Variants in WWP1 observed in about 807,000 individuals in gnomAD.
WWP1 encodes the protein WW domain containing E3 ubiquitin protein ligase 1, also known as NEDD4-like E3 ubiquitin-protein ligase WWP1.
Under a neutral mutation model 130.6 loss-of-function variants are expected in WWP1, and 49 were observed. The ratio of observed to expected loss-of-function variants is 0.38; its 90% CI spans 0.30 to 0.48. The LOEUF is 0.48. Among genes scored for constraint, WWP1 ranks in the 20% least tolerant of loss-of-function variants. The probability of loss-of-function intolerance (pLI) is 0.99; values close to 1 mark genes in which losing one functional copy is unlikely to be tolerated. For synonymous variants in WWP1, 332 were observed against 367.8 expected, an observed-to-expected ratio of 0.90 and a Z score of 1.11; for missense variants, 809 against 1,100.6, an observed-to-expected ratio of 0.74 and a Z score of 3.75.
Position 86,342,804 on chromosome 8 carries a change from T to C in WWP1, c.-241T>C. ...TGGGCTGCCGGGGCCGACGCCTGGG[T>C]GGCTGCTGCCGCCGCGCCTGCTGCG... On this transcript the variant is annotated 5_prime_UTR_variant, in exon 1 of 25. Transcript: ENST00000517970. The C allele has an allele frequency of 2.8e-6, 1 of 357,668 alleles. No individual in the cohort carries two copies. The highest frequency in any genetic ancestry group is 4.1e-5 in the East Asian group (1 of 24,606). 22.2% of individuals were successfully genotyped at this position (357,668 alleles called of 1,614,324 possible).
chr8:86,449,410 T>C (rs1398942053), intron 20 of WWP1, among the ~76,000 whole-genome samples: 1 of 152,260 alleles, frequency 6.6e-6, no homozygotes. Flanking sequence ...CAAAGGTAGC[T>C]ATAGACAGTG....
intron 20 of WWP1, 86 bp from the exon 21 acceptor site, chr8:86,452,473 G>A (rs1415900301): frequency 8.5e-7 from 1 of 1,172,868 alleles, no homozygotes; most frequent in African/African-American, 1.6e-5. Flanking sequence ...TAGAAAAAGA[G>A]AAAGAACTAT....
At chr8:86,462,131 A>C (rs1186933181) in intron 24 of WWP1, among the ~76,000 whole-genome samples, 1 of 152,168 alleles carries the variant, frequency 6.6e-6, no homozygotes, top group African/African-American at 2.4e-5. Context: ...TTTGTGCCCC[A>C]TGGTGGGGCA....
At chr8:86,445,593 A>G (rs193250608) in intron 18 of WWP1, among the ~76,000 whole-genome samples, 2 of 152,236 alleles carry the variant, frequency 1.3e-5, no homozygotes, top group Admixed American at 6.5e-5. Context: ...GGTCTTTCCT[A>G]TTGTGAGTAG....
chr8:86,358,108 C>G (rs897760045), intron 1 of WWP1, among the ~76,000 whole-genome samples: 1 of 152,160 alleles, frequency 6.6e-6, no homozygotes, highest in Non-Finnish European at 1.5e-5. Context: ...AAGCTTCTCT[C>G]TTATATTCTT....
At chr8:86,398,943 C>T (rs991396972) in intron 7 of WWP1, among the ~76,000 whole-genome samples, 4 of 152,108 alleles carry the variant, frequency 2.6e-5, no homozygotes, top group East Asian at 1.9e-4. Flanking sequence ...TGAAGAGAAA[C>T]CATGTATATA....
intron 2 of WWP1, among the ~76,000 whole-genome samples, chr8:86,371,988 G>A (rs767044765): frequency 2.8e-5 from 4 of 144,644 alleles, no homozygotes; most frequent in South Asian, 2.2e-4. Flanking sequence ...GACTGCAGGC[G>A]CCCACCACCA....
intron 22 of WWP1, among the ~76,000 whole-genome samples, chr8:86,458,741 T>A (rs1475712536): frequency 6.6e-6 from 1 of 152,198 alleles, no homozygotes; most frequent in African/African-American, 2.4e-5. Flanking sequence ...TGTGTTATAG[T>A]ACACTTTCCA....
At chr8:86,406,886 T>C (rs1195629487) in intron 8 of WWP1, among the ~76,000 whole-genome samples, 1 of 152,230 alleles carries the variant, frequency 6.6e-6, no homozygotes, top group Non-Finnish European at 1.5e-5. Context: ...GTAAAAATGG[T>C]ATTCACTCTA....
chr8:86,442,594 AT>A (rs1411757400), intron 17 of WWP1, 24 bp from the exon 18 acceptor site: 1 of 1,568,690 alleles, frequency 6.4e-7, no homozygotes, highest in African/African-American at 1.4e-5. Flanking sequence ...ATGCTAAAAA[AT>A]AACCTTGACT....
chr8:86,431,514 G>A (rs755218394), intron 13 of WWP1, 24 bp downstream of exon 13: 23 of 1,611,804 alleles, frequency 1.4e-5, no homozygotes, highest in Non-Finnish European at 1.4e-5. Flanking sequence ...GCAGCCTTAA[G>A]TCGTCTTGCA....
chr8:86,391,902 A>G (rs774690098), intron 5 of WWP1, among the ~76,000 whole-genome samples: 6 of 152,160 alleles, frequency 3.9e-5, no homozygotes, highest in Non-Finnish European at 8.8e-5. Context: ...TGAGAAAGAC[A>G]CTCACATGTT....
At chr8:86,465,298 A>G (rs1225166145) in intron 24 of WWP1, among the ~76,000 whole-genome samples, 1 of 150,788 alleles carries the variant, frequency 6.6e-6, no homozygotes, top group Non-Finnish European at 1.5e-5. Context: ...ATAAACTGGT[A>G]TGTCTTTTTA....
chr8:86,359,009 AGTGGGAGAAACAT>A (rs1031131431), intron 1 of WWP1, among the ~76,000 whole-genome samples: 3 of 152,232 alleles, frequency 2.0e-5, no homozygotes, highest in Admixed American at 6.5e-5. Flanking sequence ...GGAGAAGAGT[AGTGGGAGAAACAT>A]GTGGGAAGTC....
At chr8:86,366,456 C>T (rs1310322030) in intron 1 of WWP1, among the ~76,000 whole-genome samples, 3 of 152,132 alleles carry the variant, frequency 2.0e-5, no homozygotes, top group Non-Finnish European at 4.4e-5. Context: ...ATTCGGAGGG[C>T]TAAAAGACCC....
rs577882344 is a variant in WWP1, at chr8:86,344,314, T to C, written c.-115+1384T>C. On this transcript the variant is annotated intron_variant, in intron 1 of 24. Transcript: ENST00000517970. ...GCTGGTAAGATCTACATCAGGGTTT[T>C]GAAAAGCAATAATTATGAGCTACCG... 4.6e-5 allele frequency among the ~76,000 whole-genome samples: 7 copies of C among 152,368 alleles called. No homozygotes were observed. The South Asian group carries it at 1.4e-3, about 32-fold the overall frequency.
intron 9 of WWP1, among the ~76,000 whole-genome samples, chr8:86,417,813 A>G (rs16914543): frequency 0.13 from 19,813 of 152,194 alleles, 3,421 homozygotes; most frequent in African/African-American, 0.4. Flanking sequence ...AATGGTGTCT[A>G]TATATATTAT....
intron 8 of WWP1, among the ~76,000 whole-genome samples, chr8:86,403,078 A>G (rs963675166): frequency 4.6e-5 from 7 of 152,178 alleles, no homozygotes; most frequent in African/African-American, 1.4e-4. Flanking sequence ...TGGTCATTGT[A>G]TATTAACTCT....
At chr8:86,404,965 T>A (rs1808194098) in intron 8 of WWP1, 1 of 152,208 alleles carries the variant, frequency 6.6e-6, no homozygotes, top group South Asian at 2.1e-4. Flanking sequence ...TTTCACCACC[T>A]CTGATTATTG....
Sources: allele counts gnomAD v4.1 joint callset (sites outside exome capture counted in the v4.1 genomes callset), GRCh38; gene constraint gnomAD v4.1.1; transcripts MANE v1.5; gene names NCBI Gene and HGNC (gene_info 2026-07-23, HGNC 2026-07-21).